Variants in CSMD1 observed in about 807,000 individuals in gnomAD.
CSMD1 encodes CUB and sushi domain-containing protein 1.
In CSMD1, 213 loss-of-function variants were observed where a neutral mutation model predicts 417.5. The observed-to-expected ratio is 0.51, with a 90% CI of 0.46 to 0.57. The LOEUF (loss-of-function observed/expected upper bound fraction) is 0.57, where lower values mean the gene tolerates loss of function less well. Among genes scored for constraint, CSMD1 ranks in the 20% least tolerant of loss-of-function variants. The pLI, the probability that CSMD1 is intolerant of heterozygous loss-of-function variation, is 0.00. For synonymous variants in CSMD1, 2,862 were observed against 1,736.8 expected, an observed-to-expected ratio of 1.65 and a Z score of -16.11; for missense variants, 6,923 against 4,529.7, an observed-to-expected ratio of 1.53 and a Z score of -15.17.
chr8:4,945,536 A>T (rs1269616194), intron 1 of CSMD1, among the ~76,000 whole-genome samples: 1 of 150,726 alleles, frequency 6.6e-6, no homozygotes, highest in Non-Finnish European at 1.5e-5. Flanking sequence ...AAAAAAAAAA[A>T]GTGGTACTCA....
At position 4,346,911 on chromosome 8, in the gene CSMD1, T is replaced by A. The variant is rs551103388; in HGVS notation, c.415+73042A>T. 2.1e-3 allele frequency among the ~76,000 whole-genome samples: 320 copies of A among 152,260 alleles called. 1 individual carries two copies. The highest frequency in any genetic ancestry group is 7.4e-3 in the African/African-American group (306 of 41,560). ...ATTGTAAAACCTGGCTGGACCTCAA[T>A]CTTTTCCTCAAATACTAATTTGAAA... On this transcript the variant is annotated intron_variant, in intron 3 of 69. Transcript: ENST00000635120.
intron 25 of CSMD1, among the ~76,000 whole-genome samples, chr8:3,301,541 C>G (rs1442399): frequency 1.3e-5 from 2 of 151,940 alleles, no homozygotes; most frequent in Non-Finnish European, 2.9e-5. Flanking sequence ...TTGCTGAGCC[C>G]TAAGAGATGG....
intron 3 of CSMD1, among the ~76,000 whole-genome samples, chr8:4,049,790 T>G (rs1239754793): frequency 6.6e-6 from 1 of 152,200 alleles, no homozygotes; most frequent in African/African-American, 2.4e-5. Context: ...TTCCTTACTG[T>G]TAGCATCTTA....
At position 4,958,844 on chromosome 8, in the gene CSMD1, G is replaced by A. The variant is rs190611382; in HGVS notation, c.85+35488C>T. On this transcript the variant is annotated intron_variant, in intron 1 of 69. Transcript: ENST00000635120. The stretch of plus-strand genomic sequence containing the variant: ...TCTGACAAGTGTCTAAAAAATGCAT[G>A]TCCTTTAGTCAAAGAAAGCAGGTAA... 2.9e-3 allele frequency among the ~76,000 whole-genome samples: 439 copies of A among 152,214 alleles called. 1 individual carries two copies. Among genetic ancestry groups the A allele is most frequent in the Middle Eastern group, 0.01 (3 of 292 alleles).
chr8:4,073,280 G>C (rs1050740926), intron 3 of CSMD1, among the ~76,000 whole-genome samples: 2 of 152,128 alleles, frequency 1.3e-5, no homozygotes, highest in Non-Finnish European at 2.9e-5. Context: ...AATTAGAGTT[G>C]AAAGAAGAGA....
intron 12 of CSMD1, among the ~76,000 whole-genome samples, chr8:3,467,799 T>C (rs1381204865): frequency 6.6e-6 from 1 of 152,248 alleles, no homozygotes; most frequent in Non-Finnish European, 1.5e-5. Flanking sequence ...GGATGCTTTT[T>C]TATTATCTCC....
At chr8:3,758,812 C>A (rs1044965385) in intron 5 of CSMD1, among the ~76,000 whole-genome samples, 3 of 152,052 alleles carry the variant, frequency 2.0e-5, no homozygotes, top group African/African-American at 7.3e-5. Context: ...CAGAACAATG[C>A]GCTTACTGAG....
intron 5 of CSMD1, among the ~76,000 whole-genome samples, chr8:3,892,502 G>T (rs922627390): frequency 6.6e-6 from 1 of 150,900 alleles, no homozygotes; most frequent in Non-Finnish European, 1.5e-5. Flanking sequence ...AAGAGACCGT[G>T]CATCCAATCC....
intron 3 of CSMD1, among the ~76,000 whole-genome samples, chr8:4,195,442 A>T (rs1195892693): frequency 1.3e-5 from 2 of 152,186 alleles, no homozygotes; most frequent in African/African-American, 4.8e-5. Context: ...TTTAAAAAAG[A>T]CGAGTGTGGC....
chr8:4,887,474 G>C (rs1803829256), intron 1 of CSMD1, among the ~76,000 whole-genome samples: 1 of 151,912 alleles, frequency 6.6e-6, no homozygotes, highest in Non-Finnish European at 1.5e-5. Flanking sequence ...AAACGTTTTT[G>C]TTACGTGTAG....
At chr8:4,672,123 T>C (rs1338528880) in intron 1 of CSMD1, among the ~76,000 whole-genome samples, 1 of 152,228 alleles carries the variant, frequency 6.6e-6, no homozygotes, top group Admixed American at 6.5e-5. Context: ...TCACTGATCT[T>C]CCCATTGCAT....
At chr8:4,585,878 G>C (rs752845437) in intron 2 of CSMD1, among the ~76,000 whole-genome samples, 1 of 152,032 alleles carries the variant, frequency 6.6e-6, no homozygotes, top group African/African-American at 2.4e-5. Flanking sequence ...GGTAAAGATG[G>C]AATAAACAGC....
chr8:3,476,176 C>T (rs1196726315), intron 11 of CSMD1, among the ~76,000 whole-genome samples: 1 of 152,162 alleles, frequency 6.6e-6, no homozygotes, highest in Non-Finnish European at 1.5e-5. Flanking sequence ...GGCCTTGGCT[C>T]AACCAAAATA....
In CSMD1 at chr8:3,994,696, A is replaced by T. The variant is rs371152682; in HGVS notation, c.818+3207T>A. On this transcript the variant is annotated intron_variant, in intron 5 of 69. Coordinates refer to ENST00000635120, the MANE Select transcript of CSMD1 (RefSeq NM_033225.6). The stretch of plus-strand genomic sequence containing the variant: ...TAAATTACGAACCCAACGTATGTTT[A>T]ATATAAAGATAATTTTGGCACATGA... Among the ~76,000 whole-genome samples, 80 of 152,268 alleles carry T rather than the reference A, an allele frequency of 5.3e-4. 2 individuals are homozygous for T. In the South Asian group the frequency reaches 0.016, roughly 30 times the overall value.
chr8:4,470,299 CCTTT>C (rs1800451219), intron 2 of CSMD1, among the ~76,000 whole-genome samples: 1 of 152,204 alleles, frequency 6.6e-6, no homozygotes, highest in African/African-American at 2.4e-5. Flanking sequence ...TCTCCTTCAA[CCTTT>C]ATTTCATGCT....
intron 2 of CSMD1, among the ~76,000 whole-genome samples, chr8:4,499,542 G>A (rs1177323671): frequency 6.6e-6 from 1 of 152,142 alleles, no homozygotes; most frequent in Non-Finnish European, 1.5e-5. Flanking sequence ...TAAACAAGGT[G>A]GATAAGCGAT....
At chr8:3,853,704 G>T (rs1416286095) in intron 5 of CSMD1, among the ~76,000 whole-genome samples, 5 of 151,900 alleles carry the variant, frequency 3.3e-5, no homozygotes, top group Admixed American at 3.3e-4. Flanking sequence ...ATAAGCCTCA[G>T]TAAAGAAACC....
intron 41 of CSMD1, among the ~76,000 whole-genome samples, chr8:3,126,141 A>C (rs753326592): frequency 6.6e-6 from 1 of 152,188 alleles, no homozygotes; most frequent in Non-Finnish European, 1.5e-5. Context: ...CATTCCACTT[A>C]ATCCCAGGAG....
chr8:3,354,206 A>T (rs896034881), intron 21 of CSMD1, among the ~76,000 whole-genome samples: 2 of 152,210 alleles, frequency 1.3e-5, no homozygotes, highest in East Asian at 3.8e-4. Context: ...AATTGGATTC[A>T]AATTCTACAG....
Sources: gnomAD v4.1 joint callset for allele counts (sites outside exome capture counted in the v4.1 genomes callset) on GRCh38, gnomAD v4.1.1 for gene constraint, MANE v1.5 for transcripts, NCBI Gene and HGNC (gene_info 2026-07-23, HGNC 2026-07-21) for gene names.